POU2AF2: variants seen among roughly 807,000 people sequenced by gnomAD.
The protein encoded by POU2AF2 is POU class 2 homeobox associating factor 2, also known as POU domain class 2-associating factor 2.
chr11:111,275,235 C>A, the POU2AF2 span, among the ~76,000 whole-genome samples: 1 of 152,128 alleles, frequency 6.6e-6, no homozygotes, highest in Non-Finnish European at 1.5e-5. Flanking sequence ...TCTCCCACAA[C>A]AAAACTGGAT....
chr11:111,284,512 G>A, the POU2AF2 span: 1 of 1,078,930 alleles, frequency 9.3e-7, no homozygotes, highest in Non-Finnish European at 1.3e-6. Flanking sequence ...CTTTGCAGCT[G>A]CCTAGAGATG....
chr11:111,266,505 A>G, the POU2AF2 span, among the ~76,000 whole-genome samples: 1,113 of 152,312 alleles, frequency 7.3e-3, 10 homozygotes, highest in Middle Eastern at 0.044. Context: ...ATAAAGCAGA[A>G]GAATGATTAT....
chr11:111,257,361 CTTTT>C, the POU2AF2 span, among the ~76,000 whole-genome samples: 1 of 141,674 alleles, frequency 7.1e-6, no homozygotes. Flanking sequence ...TTTATGTTAT[CTTTT>C]TTTTTTTTTT....
the POU2AF2 span, among the ~76,000 whole-genome samples, chr11:111,280,106 AC>A: frequency 6.9e-6 from 1 of 145,762 alleles, no homozygotes; most frequent in Non-Finnish European, 1.5e-5. Flanking sequence ...ACATAATGCA[AC>A]CCACCACATT....
chr11:111,272,097 C>A, the POU2AF2 span, among the ~76,000 whole-genome samples: 3 of 152,204 alleles, frequency 2.0e-5, no homozygotes, highest in Non-Finnish European at 4.4e-5. Flanking sequence ...ACTTCCTGCC[C>A]ACATTTCCAG....
the POU2AF2 span, among the ~76,000 whole-genome samples, chr11:111,247,399 C>T: frequency 0.039 from 5,994 of 152,184 alleles, 318 homozygotes; most frequent in East Asian, 0.26. Context: ...TTGTGGATAC[C>T]TACAGTGTGG....
the POU2AF2 span, among the ~76,000 whole-genome samples, chr11:111,261,332 AT>A: frequency 1.0e-3 from 152 of 151,970 alleles, no homozygotes; most frequent in Non-Finnish European, 1.7e-3. Context: ...GAACTACACT[AT>A]TTCAATTGAG....
chr11:111,269,317 G>A, the POU2AF2 span, among the ~76,000 whole-genome samples: 20 of 152,256 alleles, frequency 1.3e-4, no homozygotes, highest in African/African-American at 4.8e-4. Context: ...GCTTTACTAA[G>A]CCTTTCTAAA....
At chr11:111,261,322 G>A in the POU2AF2 span, among the ~76,000 whole-genome samples, 1 of 150,550 alleles carries the variant, frequency 6.6e-6, no homozygotes, top group Non-Finnish European at 1.5e-5. Context: ...TGCTTTTTTT[G>A]AACTACACTA....
chr11:111,277,547 G>A, the POU2AF2 span, among the ~76,000 whole-genome samples: 5 of 152,256 alleles, frequency 3.3e-5, no homozygotes, highest in Non-Finnish European at 5.9e-5. Flanking sequence ...CCTGCCTGGG[G>A]CAGAGGCAGG....
At chr11:111,281,110 G>A in the POU2AF2 span, among the ~76,000 whole-genome samples, 1 of 152,140 alleles carries the variant, frequency 6.6e-6, no homozygotes, top group Admixed American at 6.5e-5. Flanking sequence ...TTGGATGAGG[G>A]AATGTTAACT....
the POU2AF2 span, among the ~76,000 whole-genome samples, chr11:111,255,788 C>T: frequency 6.6e-6 from 1 of 152,090 alleles, no homozygotes; most frequent in Non-Finnish European, 1.5e-5. Context: ...CTTAGTAGAG[C>T]TTAGATGAGT....
the POU2AF2 span, among the ~76,000 whole-genome samples, chr11:111,269,481 GC>G: frequency 6.6e-6 from 1 of 151,984 alleles, no homozygotes; most frequent in Non-Finnish European, 1.5e-5. Context: ...CCTTTTGCAA[GC>G]AACTTATTTT....
chr11:111,273,216 C>G, the POU2AF2 span, among the ~76,000 whole-genome samples: 1 of 152,164 alleles, frequency 6.6e-6, no homozygotes, highest in African/African-American at 2.4e-5. Flanking sequence ...GCATGTAAAT[C>G]TCTATATCCA....
At chr11:111,278,037 C>T in the POU2AF2 span, among the ~76,000 whole-genome samples, 2 of 152,182 alleles carry the variant, frequency 1.3e-5, no homozygotes, top group Admixed American at 6.5e-5. Flanking sequence ...CCGAGAGTTC[C>T]CTTCTGCCAC....
chr11:111,264,869 G>GGAAGGAAGGAAGGAAAAGAAAAGA, the POU2AF2 span, among the ~76,000 whole-genome samples: 1 of 130,390 alleles, frequency 7.7e-6, no homozygotes, highest in Non-Finnish European at 1.6e-5. Context: ...AGAGACAGAA[G>GGAAGGAAGGAAGGAAAAGAAAAGA]GAAGGAAGGA....
At chr11:111,249,214 C>T in the POU2AF2 span, among the ~76,000 whole-genome samples, 1 of 152,048 alleles carries the variant, frequency 6.6e-6, no homozygotes, top group Admixed American at 6.6e-5. Flanking sequence ...CTGGTGTATG[C>T]AGGTGTGGAT....
the POU2AF2 span, among the ~76,000 whole-genome samples, chr11:111,268,483 TTTTATTTTATTTTATTTTA>T: frequency 2.2e-3 from 83 of 37,944 alleles, no homozygotes; most frequent in Middle Eastern, 0.021. Context: ...TCTTTTTTTA[TTTTATTTTATTTTATTTTA>T]TTTTATTTTA....
the POU2AF2 span, among the ~76,000 whole-genome samples, chr11:111,276,138 T>TG: frequency 2.0e-5 from 3 of 151,934 alleles, no homozygotes; most frequent in Non-Finnish European, 2.9e-5. Flanking sequence ...ATGAACGACA[T>TG]GAATCCCTAG....
Sources: gnomAD v4.1 joint callset for allele counts (sites outside exome capture counted in the v4.1 genomes callset) on GRCh38, gnomAD v4.1.1 for gene constraint, MANE v1.5 for transcripts, NCBI Gene and HGNC (gene_info 2026-07-23, HGNC 2026-07-21) for gene names.